The following NRG1 variants were observed in gnomAD, a reference collection of about 807,000 sequenced individuals.
NRG1 encodes pro-neuregulin-1, membrane-bound isoform.
In NRG1, 18 loss-of-function variants were observed where a neutral mutation model predicts 63.8. The observed-to-expected ratio is 0.28, with a 90% CI of 0.19 to 0.42. The LOEUF (loss-of-function observed/expected upper bound fraction) is 0.42, where lower values mean the gene tolerates loss of function less well. NRG1 is among the 10% of genes least tolerant of loss of function. NRG1 has a pLI of 1.00. For missense variants in NRG1, 762 were observed against 814.7 expected, an observed-to-expected ratio of 0.94 and a Z score of 0.79; for synonymous variants, 302 against 301.3, an observed-to-expected ratio of 1.00 and a Z score of -0.02.
chr8:32,082,944 A>G (rs954728329), intron 1 of NRG1, among the ~76,000 whole-genome samples: 2 of 152,308 alleles, frequency 1.3e-5, no homozygotes, highest in East Asian at 1.9e-4. Context: ...CCTATCCCCA[A>G]TTCCTCCCTC....
chr8:32,743,643 G>A (rs980571370), intron 7 of NRG1, among the ~76,000 whole-genome samples: 2 of 145,628 alleles, frequency 1.4e-5, no homozygotes, highest in South Asian at 2.2e-4. Flanking sequence ...ATAGATGTTC[G>A]TGGCTTCCTG....
chr8:32,466,614 T>C (rs1180405775), intron 1 of NRG1, among the ~76,000 whole-genome samples: 1 of 152,174 alleles, frequency 6.6e-6, no homozygotes, highest in Non-Finnish European at 1.5e-5. Flanking sequence ...CATTGGGTGA[T>C]TATGTCTAAA....
chr8:32,687,427 CA>C (rs1810455583), intron 5 of NRG1, among the ~76,000 whole-genome samples: 1 of 152,114 alleles, frequency 6.6e-6, no homozygotes, highest in Non-Finnish European at 1.5e-5. Flanking sequence ...TCCCAAAGGT[CA>C]GGGGAAGAAA....
exon 10 of NRG1, chr8:32,759,408 A>C: frequency 6.2e-7 from 1 of 1,613,872 alleles, no homozygotes; most frequent in Non-Finnish European, 8.5e-7. Flanking sequence ...CCATCACTCC[A>C]CTACTGTCAC....
At chr8:32,507,741 A>C (rs957649114) in intron 1 of NRG1, among the ~76,000 whole-genome samples, 1 of 152,010 alleles carries the variant, frequency 6.6e-6, no homozygotes, top group African/African-American at 2.4e-5. Context: ...TCTGTTGCCC[A>C]GGCTGGAGTG....
At chr8:31,934,099 G>T (rs1835087014) in intron 1 of NRG1, among the ~76,000 whole-genome samples, 1 of 151,980 alleles carries the variant, frequency 6.6e-6, no homozygotes, top group African/African-American at 2.4e-5. Context: ...ATGTGTGTGG[G>T]TACCTTCATG....
At chr8:32,213,525 A>G (rs941135423) in intron 1 of NRG1, among the ~76,000 whole-genome samples, 1 of 152,082 alleles carries the variant, frequency 6.6e-6, no homozygotes, top group African/African-American at 2.4e-5. Context: ...TACATAGGTG[A>G]TGGGTCGATA....
chr8:32,517,250 G>T (rs1829916783), intron 1 of NRG1, among the ~76,000 whole-genome samples: 1 of 152,002 alleles, frequency 6.6e-6, no homozygotes, highest in African/African-American at 2.4e-5. Flanking sequence ...TTGTCTGTCT[G>T]GAGTACTTAC....
intron 1 of NRG1, among the ~76,000 whole-genome samples, chr8:32,071,550 T>G (rs1478152663): frequency 6.6e-6 from 1 of 152,238 alleles, no homozygotes; most frequent in Admixed American, 6.5e-5. Context: ...CCCTTCCTTC[T>G]GCGCCGTTAA....
chr8:31,865,371 T>G (rs1290701973), intron 1 of NRG1, among the ~76,000 whole-genome samples: 1 of 152,126 alleles, frequency 6.6e-6, no homozygotes, highest in Non-Finnish European at 1.5e-5. Context: ...CAGGTGATAT[T>G]CTGAAGATCC....
intron 1 of NRG1, among the ~76,000 whole-genome samples, chr8:32,568,838 A>G (rs1837962465): frequency 6.6e-6 from 1 of 152,226 alleles, no homozygotes; most frequent in Non-Finnish European, 1.5e-5. Context: ...ATGTGTCAAA[A>G]CAAATTTTTA....
At chr8:31,933,166 G>A (rs1172007081) in intron 1 of NRG1, among the ~76,000 whole-genome samples, 4 of 151,982 alleles carry the variant, frequency 2.6e-5, no homozygotes, top group East Asian at 3.9e-4. Context: ...CAATCTACTC[G>A]TGTTTTTTAA....
chr8:32,023,655 G>A (rs1056483832), intron 1 of NRG1, among the ~76,000 whole-genome samples: 1 of 146,842 alleles, frequency 6.8e-6, no homozygotes, highest in East Asian at 1.9e-4. Context: ...GTGGTGCCTT[G>A]TCCCAGACAG....
chr8:32,555,653 A>G (rs546424390), intron 1 of NRG1, among the ~76,000 whole-genome samples: 33 of 152,140 alleles, frequency 2.2e-4, no homozygotes, highest in Admixed American at 9.8e-4. Flanking sequence ...TTGTATTTCT[A>G]GTAGAGACGG....
chr8:31,753,105 A>G (rs1816646642), intron 1 of NRG1, among the ~76,000 whole-genome samples: 1 of 152,088 alleles, frequency 6.6e-6, no homozygotes, highest in African/African-American at 2.4e-5. Context: ...GATCCCAATC[A>G]GCTGTAACAC....
At chr8:32,747,097 ATAGT>A (rs759314518) in intron 7 of NRG1, among the ~76,000 whole-genome samples, 1 of 152,108 alleles carries the variant, frequency 6.6e-6, no homozygotes, top group Non-Finnish European at 1.5e-5. Flanking sequence ...AAATGAAATT[ATAGT>A]TAGGCTGACA....
chr8:32,438,741 G>A (rs1289242554), intron 1 of NRG1, among the ~76,000 whole-genome samples: 1 of 152,128 alleles, frequency 6.6e-6, no homozygotes, highest in Admixed American at 6.5e-5. Context: ...TCAGTGCATA[G>A]TGATAGCTCA....
chr8:32,276,856 C>G (rs770021639), intron 1 of NRG1, among the ~76,000 whole-genome samples: 1 of 152,186 alleles, frequency 6.6e-6, no homozygotes, highest in Non-Finnish European at 1.5e-5. Context: ...GGGTGAGATA[C>G]TTCAGTGCCA....
intron 1 of NRG1, among the ~76,000 whole-genome samples, chr8:31,974,208 C>T (rs998098944): frequency 6.6e-6 from 1 of 152,126 alleles, no homozygotes; most frequent in African/African-American, 2.4e-5. Context: ...CTGTGTCACC[C>T]AGGCTGGTGT....
Sources: gnomAD v4.1 joint callset for allele counts (sites outside exome capture counted in the v4.1 genomes callset) on GRCh38, gnomAD v4.1.1 for gene constraint, MANE v1.5 for transcripts, NCBI Gene and HGNC (gene_info 2026-07-23, HGNC 2026-07-21) for gene names.